Variants in CHL1 observed in about 807,000 individuals in gnomAD.
CHL1 encodes cell adhesion molecule L1 like, also known as neural cell adhesion molecule L1-like protein.
Under a neutral mutation model 141.9 loss-of-function variants are expected in CHL1, and 96 were observed. That is an observed-to-expected ratio of 0.68 (90% CI 0.57 to 0.80). The LOEUF is 0.80. Ranked by LOEUF, CHL1 falls within the 30% of genes least tolerant of loss-of-function variation. The pLI, the probability that CHL1 is intolerant of heterozygous loss-of-function variation, is 0.00. For missense variants in CHL1, 1,820 were observed against 1,457.2 expected, an observed-to-expected ratio of 1.25 and a Z score of -4.05; for synonymous variants, 613 against 502.2, an observed-to-expected ratio of 1.22 and a Z score of -2.95.
intron 26 of CHL1, among the ~76,000 whole-genome samples, chr3:400,602 A>G (rs1258182515): frequency 8.4e-5 from 2 of 23,780 alleles, no homozygotes; most frequent in Non-Finnish European, 9.3e-5. Flanking sequence ...TTTTTTTTTT[A>G]AGTAAAGGGA....
intron 2 of CHL1, among the ~76,000 whole-genome samples, chr3:301,679 G>A (rs968094517): frequency 2.0e-5 from 3 of 152,216 alleles, no homozygotes; most frequent in African/African-American, 7.2e-5. Flanking sequence ...TTGCCATATA[G>A]TAGTTACATT....
chr3:347,582 C>T (rs147227724), intron 9 of CHL1, among the ~76,000 whole-genome samples: 67 of 152,112 alleles, frequency 4.4e-4, no homozygotes, highest in Non-Finnish European at 6.9e-4. Context: ...CTAGGGAGTC[C>T]GGGAGATCTT....
At chr3:331,295 G>T (rs910581870) in intron 5 of CHL1, among the ~76,000 whole-genome samples, 1 of 152,078 alleles carries the variant, frequency 6.6e-6, no homozygotes, top group African/African-American at 2.4e-5. Context: ...TGCAGTCATG[G>T]CTTCATGGCT....
intron 2 of CHL1, among the ~76,000 whole-genome samples, chr3:273,557 G>C (rs1695827036): frequency 6.6e-6 from 1 of 151,992 alleles, no homozygotes; most frequent in Admixed American, 6.6e-5. Context: ...TTTGCTTGGA[G>C]CTATATTTAA....
chr3:327,374 TC>T (rs1348879667), intron 4 of CHL1, among the ~76,000 whole-genome samples: 1 of 152,026 alleles, frequency 6.6e-6, no homozygotes, highest in Non-Finnish European at 1.5e-5. Context: ...ATGTCATTGT[TC>T]ATAGAACTGA....
chr3:368,648 T>G (rs960423735), intron 15 of CHL1, among the ~76,000 whole-genome samples: 1 of 152,242 alleles, frequency 6.6e-6, no homozygotes, highest in Non-Finnish European at 1.5e-5. Context: ...TTTGCCATTT[T>G]CATCATGAAG....
chr3:390,917 A>G (rs561286143), intron 21 of CHL1, 38 bp from the exon 22 acceptor site: 3 of 1,576,490 alleles, frequency 1.9e-6, no homozygotes, highest in South Asian at 1.1e-5. Context: ...ATCTGCGACC[A>G]CAATGGATAT....
chr3:396,132 G>A (rs1708646540), intron 24 of CHL1, among the ~76,000 whole-genome samples: 1 of 152,058 alleles, frequency 6.6e-6, no homozygotes, highest in African/African-American at 2.4e-5. Context: ...AACTCACAAA[G>A]TATTCCCAGG....
intron 1 of CHL1, among the ~76,000 whole-genome samples, chr3:201,310 T>C (rs1698913322): frequency 6.6e-6 from 1 of 152,192 alleles, no homozygotes. Flanking sequence ...ATTTTATGTG[T>C]TGTGGGTAAA....
rs1011495744 is a variant in CHL1 at position 227,057 on chromosome 3, T to TA, written c.-174-17550dup. Among the ~76,000 whole-genome samples the TA allele has an allele frequency of 1.2e-3, 190 of 152,276 alleles. 1 individual carries two copies. The highest frequency in any genetic ancestry group is 6.5e-3 in the Admixed American group (99 of 15,304). On this transcript the variant is annotated intron_variant, in intron 1 of 27. Coordinates refer to ENST00000256509, the MANE Select transcript of CHL1 (RefSeq NM_006614.4). ...AGGTAAAATGAATGTTTATGCTTGA[T>TA]AAAAAAGTAGCAGTTGTTGATTTCA...
intron 2 of CHL1, among the ~76,000 whole-genome samples, chr3:288,195 A>G (rs1371704407): frequency 1.3e-5 from 2 of 152,136 alleles, no homozygotes; most frequent in African/African-American, 4.8e-5. Context: ...CAATTAGTGC[A>G]TTTTTCACCA....
At chr3:260,552 T>A (rs1387336654) in intron 2 of CHL1, among the ~76,000 whole-genome samples, 1 of 152,102 alleles carries the variant, frequency 6.6e-6, no homozygotes, top group Non-Finnish European at 1.5e-5. Context: ...TAAATAACAT[T>A]CCGATACCAG....
chr3:328,017 G>T (rs920854550), intron 4 of CHL1, 150 bp from the exon 5 acceptor site: 7 of 438,550 alleles, frequency 1.6e-5, no homozygotes, highest in Non-Finnish European at 2.8e-5. Context: ...ATTCTTCTGA[G>T]ACCCTTATTT....
chr3:341,026 T>G, intron 6 of CHL1, 110 bp downstream of exon 6: 1 of 1,218,166 alleles, frequency 8.2e-7, no homozygotes, highest in Non-Finnish European at 1.1e-6. Flanking sequence ...CTCTTAATTT[T>G]TTCATATTTG....
At chr3:301,456 A>G (rs1223693285) in intron 2 of CHL1, among the ~76,000 whole-genome samples, 1 of 152,196 alleles carries the variant, frequency 6.6e-6, no homozygotes, top group East Asian at 1.9e-4. Context: ...AAACAAGCAA[A>G]AGTGACTTGT....
intron 2 of CHL1, among the ~76,000 whole-genome samples, chr3:260,664 C>G (rs1333207287): frequency 6.6e-6 from 1 of 152,080 alleles, no homozygotes; most frequent in East Asian, 1.9e-4. Flanking sequence ...ATTGACACAG[C>G]TGGGGTGTAG....
chr3:392,745 G>A (rs376109137), intron 23 of CHL1, among the ~76,000 whole-genome samples: 4 of 152,144 alleles, frequency 2.6e-5, no homozygotes, highest in African/African-American at 7.2e-5. Flanking sequence ...TCCAGGTCAC[G>A]TATTTGCTTT....
intron 1 of CHL1, among the ~76,000 whole-genome samples, chr3:225,655 T>G (rs907749848): frequency 1.3e-5 from 2 of 152,084 alleles, no homozygotes; most frequent in African/African-American, 2.4e-5. Flanking sequence ...ACCACCACTG[T>G]CCAGGAACTA....
chr3:205,605 G>A (rs1234185479), intron 1 of CHL1, among the ~76,000 whole-genome samples: 1 of 152,142 alleles, frequency 6.6e-6, no homozygotes, highest in African/African-American at 2.4e-5. Context: ...AAAGCATCCT[G>A]AATTCTATAA....
Sources: gnomAD v4.1 joint callset for allele counts (sites outside exome capture counted in the v4.1 genomes callset) on GRCh38, gnomAD v4.1.1 for gene constraint, MANE v1.5 for transcripts, NCBI Gene and HGNC (gene_info 2026-07-23, HGNC 2026-07-21) for gene names.